Variants in MARCHF1 observed in about 807,000 individuals in gnomAD.
The protein encoded by MARCHF1 is E3 ubiquitin-protein ligase MARCHF1.
MARCHF1 carries 40 observed loss-of-function variants against 54.2 expected under a neutral mutation model. That is an observed-to-expected ratio of 0.74 (90% CI 0.57 to 0.96). The LOEUF is 0.96. MARCHF1 is among the 40% of genes least tolerant of loss of function. The probability of loss-of-function intolerance (pLI) is 0.00; values close to 1 mark genes in which losing one functional copy is unlikely to be tolerated. For missense variants in MARCHF1, 586 were observed against 656.5 expected (o/e 0.89, Z 1.17); for synonymous variants, 236 against 236.3 (o/e 1.00, Z 0.01).
At chr4:164,121,476 G>A (rs1756065141) in intron 1 of MARCHF1, among the ~76,000 whole-genome samples, 1 of 152,048 alleles carries the variant, frequency 6.6e-6, no homozygotes, top group Non-Finnish European at 1.5e-5. Context: ...GATGTGCTGA[G>A]CAAAGGGGGA....
chr4:163,831,967 A>T (rs1458048374), intron 4 of MARCHF1, among the ~76,000 whole-genome samples: 1 of 152,226 alleles, frequency 6.6e-6, no homozygotes, highest in Non-Finnish European at 1.5e-5. Context: ...TGATGGCTCT[A>T]GAGTGCTGGG....
intron 7 of MARCHF1, among the ~76,000 whole-genome samples, chr4:163,587,088 C>T (rs1740436042): frequency 6.6e-6 from 1 of 152,154 alleles, no homozygotes. Context: ...TGTTTCTGAA[C>T]TACTATGAAT....
chr4:163,717,708 ATC>A (rs1197380728), intron 4 of MARCHF1, among the ~76,000 whole-genome samples: 2 of 152,160 alleles, frequency 1.3e-5, no homozygotes, highest in Non-Finnish European at 2.9e-5. Flanking sequence ...GTGAGATGGT[ATC>A]TCATTGTGGT....
chr4:164,200,231 G>A (rs1731416663), intron 1 of MARCHF1, among the ~76,000 whole-genome samples: 7 of 151,916 alleles, frequency 4.6e-5, no homozygotes, highest in Admixed American at 4.6e-4. Context: ...TGGATTCCTA[G>A]TGTCTATTAT....
At chr4:164,080,355 G>A (rs1484139943) in intron 2 of MARCHF1, among the ~76,000 whole-genome samples, 1 of 152,186 alleles carries the variant, frequency 6.6e-6, no homozygotes, top group Non-Finnish European at 1.5e-5. Flanking sequence ...ATTTATTTAA[G>A]CCACTAACAT....
intron 3 of MARCHF1, among the ~76,000 whole-genome samples, chr4:163,917,718 G>A (rs888351091): frequency 2.0e-5 from 3 of 151,968 alleles, no homozygotes; most frequent in South Asian, 4.2e-4. Flanking sequence ...AGATCAACCC[G>A]TCACCTAGGT....
intron 4 of MARCHF1, among the ~76,000 whole-genome samples, chr4:163,767,500 CT>C (rs60721712): frequency 0.029 from 4,359 of 151,944 alleles, 137 homozygotes; most frequent in African/African-American, 0.075. Flanking sequence ...CACCCAGCTA[CT>C]TTTTTTGTAT....
intron 5 of MARCHF1, among the ~76,000 whole-genome samples, chr4:163,688,573 T>C (rs1744343379): frequency 6.6e-6 from 1 of 152,206 alleles, no homozygotes; most frequent in African/African-American, 2.4e-5. Context: ...CAAACTACTA[T>C]GTTAGATAAT....
At position 163,973,203 on chromosome 4, in the gene MARCHF1, C is replaced by G. The variant is rs571345917; in HGVS notation, c.-39+15298G>C. Among the ~76,000 whole-genome samples the G allele has an allele frequency of 1.4e-3, 220 of 152,306 alleles. 1 individual carries two copies. Among genetic ancestry groups the G allele is most frequent in the African/African-American group, 5.1e-3 (212 of 41,568 alleles). On this transcript the variant is annotated intron_variant, in intron 3 of 9. Coordinates refer to ENST00000514618, the MANE Select transcript of MARCHF1 (RefSeq NM_001394959.1). ...AGACCACTGTAACAGATTTCTGTTG[C>G]TGTATAACAAACATAGTAACTTTCA...
intron 1 of MARCHF1, among the ~76,000 whole-genome samples, chr4:164,176,728 T>C (rs1730673011): frequency 6.6e-6 from 1 of 151,918 alleles, no homozygotes; most frequent in African/African-American, 2.4e-5. Flanking sequence ...CATGGAAATA[T>C]CATCATTAGA....
chr4:163,987,499 C>T (rs1752892627), intron 3 of MARCHF1, among the ~76,000 whole-genome samples: 1 of 152,178 alleles, frequency 6.6e-6, no homozygotes, highest in African/African-American at 2.4e-5. Context: ...ACTACACTCC[C>T]ATTTCCTTTA....
chr4:164,027,483 C>A (rs1206579425), intron 2 of MARCHF1, among the ~76,000 whole-genome samples: 5 of 146,612 alleles, frequency 3.4e-5, no homozygotes, highest in African/African-American at 7.5e-5. Flanking sequence ...ACAAAGCTGA[C>A]AAAACAAGCA....
At chr4:163,783,346 T>G (rs1747525059) in intron 4 of MARCHF1, among the ~76,000 whole-genome samples, 1 of 152,228 alleles carries the variant, frequency 6.6e-6, no homozygotes, top group Non-Finnish European at 1.5e-5. Context: ...TAAACAGGAA[T>G]GTATTTAACA....
intron 4 of MARCHF1, among the ~76,000 whole-genome samples, chr4:163,710,509 A>G (rs1358462313): frequency 2.0e-5 from 3 of 151,828 alleles, no homozygotes; most frequent in Non-Finnish European, 4.4e-5. Context: ...CTCCCTAAAA[A>G]ATATTATTCA....
At chr4:164,115,040 C>T (rs1392734023) in intron 1 of MARCHF1, among the ~76,000 whole-genome samples, 1 of 151,930 alleles carries the variant, frequency 6.6e-6, no homozygotes, top group Non-Finnish European at 1.5e-5. Context: ...AGCCACTCTG[C>T]TGAAAATTTT....
chr4:163,713,442 T>C (rs1561033552), intron 4 of MARCHF1, among the ~76,000 whole-genome samples: 1 of 152,190 alleles, frequency 6.6e-6, no homozygotes, highest in African/African-American at 2.4e-5. Context: ...TATGCATCTG[T>C]AGAATCATGA....
At chr4:163,696,547 T>C (rs1300196435) in intron 5 of MARCHF1, among the ~76,000 whole-genome samples, 1 of 152,180 alleles carries the variant, frequency 6.6e-6, no homozygotes, top group African/African-American at 2.4e-5. Flanking sequence ...GCTGTCAAAC[T>C]CATTGAGCTT....
At chr4:163,544,404 TTTCA>T (rs1384091810) in intron 9 of MARCHF1, among the ~76,000 whole-genome samples, 1 of 152,182 alleles carries the variant, frequency 6.6e-6, no homozygotes, top group African/African-American at 2.4e-5. Flanking sequence ...ACGGTAGTGC[TTTCA>T]TTTTCTTCCA....
chr4:163,679,745 T>C (rs2111159866), intron 5 of MARCHF1, among the ~76,000 whole-genome samples: 1 of 152,084 alleles, frequency 6.6e-6, no homozygotes, highest in Admixed American at 6.5e-5. Flanking sequence ...CCCGAGTAGC[T>C]GGGACTACGG....
Sources: allele counts gnomAD v4.1 joint callset (sites outside exome capture counted in the v4.1 genomes callset), GRCh38; gene constraint gnomAD v4.1.1; transcripts MANE v1.5; gene names NCBI Gene and HGNC (gene_info 2026-07-23, HGNC 2026-07-21).